MET: variants seen among roughly 807,000 people sequenced by gnomAD.
MET encodes hepatocyte growth factor receptor.
A neutral mutation model predicts 133.1 loss-of-function variants in MET; 48 were observed. The observed-to-expected ratio is 0.36, with a 90% confidence interval of 0.29 to 0.46. The LOEUF (loss-of-function observed/expected upper bound fraction) is 0.46, where lower values mean the gene tolerates loss of function less well. Ranked by LOEUF, MET falls within the 20% of genes least tolerant of loss-of-function variation. The probability of loss-of-function intolerance (pLI) is 1.00; values close to 1 mark genes in which losing one functional copy is unlikely to be tolerated. For synonymous variants in MET, 628 were observed against 616.5 expected (o/e 1.02, Z -0.28); for missense variants, 1,442 against 1,695.9 (o/e 0.85, Z 2.63).
chr7:116,722,602 T>G (rs1330983822), intron 2 of MET, among the ~76,000 whole-genome samples: 1 of 151,330 alleles, frequency 6.6e-6, no homozygotes, highest in African/African-American at 2.4e-5. Flanking sequence ...TTTGGCATGA[T>G]TTTGCAGCGG....
chr7:116,771,976 T>C lies in MET; in HGVS notation c.3015T>C (p.Ala1005=), dbSNP rs2116997626. 1.2e-6 allele frequency: 2 copies of C among 1,613,852 alleles called. No homozygotes were observed. Among genetic ancestry groups the C allele is most frequent in the Non-Finnish European group, 1.7e-6 (2 of 1,179,784 alleles). ...CAAATGAATCTGTAGACTACCGAGC[T>C]ACTTTTCCAGAAGGTATATTTCAGT... The part of the protein sequence containing the change: ...MVSNESVDYR[A]TFPEDQFPNS... The change falls in exon 14 of 21, where the codon GCT becomes GCC. Residue 1005 remains alanine (A), a synonymous_variant. Transcript: ENST00000397752.
At chr7:116,702,223 C>T (rs775309451) in intron 2 of MET, among the ~76,000 whole-genome samples, 9 of 152,084 alleles carry the variant, frequency 5.9e-5, no homozygotes, top group Non-Finnish European at 1.0e-4. Context: ...AAAATTCTTG[C>T]GGGAAACAAG....
At chr7:116,718,895 T>C (rs1480949752) in intron 2 of MET, among the ~76,000 whole-genome samples, 880 of 127,036 alleles carry the variant, frequency 6.9e-3, no homozygotes, top group East Asian at 0.012. Context: ...TCTATCATTG[T>C]TGGACATTTG....
chr7:116,673,724 C>T (rs911756630), intron 1 of MET, among the ~76,000 whole-genome samples: 1 of 152,202 alleles, frequency 6.6e-6, no homozygotes, highest in African/African-American at 2.4e-5. Context: ...TCATGTTTCT[C>T]TGTGCTACAG....
rs1344989128 is a variant in MET at position 116,722,611 on chromosome 7, G to A, written c.1201-9057G>A. Among the ~76,000 whole-genome samples the A allele has an allele frequency of 4.6e-3, 697 of 150,212 alleles. 2 individuals carry two copies. The highest frequency in any genetic ancestry group is 0.016 in the African/African-American group (656 of 41,014). ...TTACATTTTGGCATGATTTTGCAGC[G>A]GCTGGTACCGGTTGTTCCTTTCCAT... is the stretch of plus-strand genomic sequence containing the variant. On this transcript the variant is annotated intron_variant, in intron 2 of 20. Coordinates refer to ENST00000397752, the MANE Select transcript of MET (RefSeq NM_000245.4).
In MET at chr7:116,781,995, C is replaced by A. The variant is rs866464968; in HGVS notation, c.3530C>A (p.Thr1177Asn). 1 of 1,610,640 alleles carries A rather than the reference C, an allele frequency of 6.2e-7. No individual in the cohort carries two copies. The highest frequency in any genetic ancestry group is 1.7e-5 in the Admixed American group (1 of 60,004). ...AACTCTCTTTGACTGCAGAATCCAA[C>A]TGTAAAAGATCTTATTGGCTTTGGT... is the stretch of plus-strand genomic sequence containing the variant. Reference protein sequence around the residue: ...NFIRNETHNPTVKDLIGFGLQ... With the variant: ...NFIRNETHNPNVKDLIGFGLQ... The change falls in exon 18 of 21, where the codon ACT becomes AAT. Residue 1177 changes from threonine to asparagine, a missense_variant. Transcript: ENST00000397752.
At chr7:116,767,974 A>ATATATATG (rs1554397514) in intron 11 of MET, among the ~76,000 whole-genome samples, 1 of 140,198 alleles carries the variant, frequency 7.1e-6, no homozygotes, top group Admixed American at 7.2e-5. Context: ...ATATATATAT[A>ATATATATG]TGTGTGTGTG....
At chr7:116,731,294 T>C (rs759603561) in intron 2 of MET, among the ~76,000 whole-genome samples, 4 of 152,138 alleles carry the variant, frequency 2.6e-5, no homozygotes, top group Non-Finnish European at 5.9e-5. Flanking sequence ...GCCTCTAACA[T>C]TTATTATTAT....
At chr7:116,787,381 C>T (rs1490424505) in intron 19 of MET, among the ~76,000 whole-genome samples, 1 of 152,180 alleles carries the variant, frequency 6.6e-6, no homozygotes, top group African/African-American at 2.4e-5. Context: ...TGCTATAACA[C>T]AATACCACAA....
At chr7:116,731,489 T>G (rs1793001545) in intron 2 of MET, among the ~76,000 whole-genome samples, 179 bp from the exon 3 acceptor site, 1 of 152,218 alleles carries the variant, frequency 6.6e-6, no homozygotes, top group Non-Finnish European at 1.5e-5. Context: ...AAATAATGCC[T>G]AGTGAAATTG....
chr7:116,699,186 G>A lies in MET; in HGVS notation c.102G>A (p.Glu34=), dbSNP rs1296330997. The A allele has an allele frequency of 6.2e-7, 1 of 1,613,932 alleles. No individual in the cohort carries two copies. Among genetic ancestry groups the A allele is most frequent in the Non-Finnish European group, 8.5e-7 (1 of 1,179,904 alleles). ...GTAAAGAGGCACTAGCAAAGTCCGAGATGAATGTGAATATGAAGTATCAGC... is the reference window on the plus strand; with the variant it reads ...GTAAAGAGGCACTAGCAAAGTCCGAAATGAATGTGAATATGAAGTATCAGC... ...GECKEALAKS[E]MNVNMKYQLP... is the part of the protein sequence containing the mutation. The change falls in exon 2 of 21, where the codon GAG becomes GAA. Residue 34 remains glutamate (E), a synonymous_variant. Coordinates refer to ENST00000397752, the MANE Select transcript of MET (RefSeq NM_000245.4).
At position 116,774,981 on chromosome 7, in the gene MET, C is replaced by T. The variant is rs2117030756; in HGVS notation, c.3129C>T (p.Ser1043=). Residue 1043 remains serine (S), a synonymous_variant, in exon 15 of 21, where the codon TCC becomes TCT. Transcript: ENST00000397752. The part of the protein sequence containing the change: ...PILTSGDSDI[S]SPLLQNTVHI... ...TAACTAGTGGGGACTCTGATATATC[C>T]AGTCCATTACTGCAAAATACTGTCC... 2 of 1,614,134 alleles carry T rather than the reference C, an allele frequency of 1.2e-6. No homozygotes were observed. The highest frequency in any genetic ancestry group is 1.7e-6 in the Non-Finnish European group (2 of 1,179,992).
chr7:116,754,332 G>T (rs1209412899), intron 5 of MET, among the ~76,000 whole-genome samples: 1 of 152,134 alleles, frequency 6.6e-6, no homozygotes, highest in Non-Finnish European at 1.5e-5. Flanking sequence ...AGAATGTAGT[G>T]CACGCAGCCA....
intron 19 of MET, 32 bp downstream of exon 19, chr7:116,783,501 C>A: frequency 6.2e-7 from 1 of 1,612,690 alleles, no homozygotes; most frequent in Non-Finnish European, 8.5e-7. Context: ...AGTTTCTCCT[C>A]TTTTACTTTC....
At chr7:116,714,749 A>G (rs981214510) in intron 2 of MET, among the ~76,000 whole-genome samples, 4 of 144,186 alleles carry the variant, frequency 2.8e-5, no homozygotes, top group Admixed American at 6.8e-5. Flanking sequence ...ATGCACGCAC[A>G]CACACACACA....
chr7:116,691,390 A>C (rs1796774971), intron 1 of MET, among the ~76,000 whole-genome samples: 1 of 152,200 alleles, frequency 6.6e-6, no homozygotes, highest in African/African-American at 2.4e-5. Flanking sequence ...AATTACTTGA[A>C]TATTTTACGT....
At position 116,779,918 on chromosome 7, in the gene MET, T is replaced by C. The variant is rs536741272; in HGVS notation, c.3522+961T>C. ...TTTATATTTCTATTGAATAGCACTGTAGTAGATAATAAACAAATAAACAAT... is the reference window on the plus strand; with the variant it reads ...TTTATATTTCTATTGAATAGCACTGCAGTAGATAATAAACAAATAAACAAT... On this transcript the variant is annotated intron_variant, in intron 17 of 20. Coordinates refer to ENST00000397752, the MANE Select transcript of MET (RefSeq NM_000245.4). Among the ~76,000 whole-genome samples the C allele has an allele frequency of 2.4e-4, 37 of 152,322 alleles. 2 individuals are homozygous for C. In the South Asian group the frequency reaches 7.0e-3, roughly 29 times the overall value.
chr7:116,765,103 C>G (rs907426975), intron 11 of MET, among the ~76,000 whole-genome samples: 1 of 151,922 alleles, frequency 6.6e-6, no homozygotes, highest in South Asian at 2.1e-4. Context: ...AGTTCAAGAC[C>G]AGCCTGGCCA....
At chr7:116,732,731 G>A (rs1201911394) in intron 3 of MET, among the ~76,000 whole-genome samples, 1 of 152,164 alleles carries the variant, frequency 6.6e-6, no homozygotes, top group Non-Finnish European at 1.5e-5. Flanking sequence ...AACTGAGAAT[G>A]ATAAGCTTTT....
Sources: allele counts gnomAD v4.1 joint callset (sites outside exome capture counted in the v4.1 genomes callset), GRCh38; gene constraint gnomAD v4.1.1; transcripts MANE v1.5; gene names NCBI Gene and HGNC (gene_info 2026-07-23, HGNC 2026-07-21).